ANKS1B: variants seen among roughly 807,000 people sequenced by gnomAD.
The protein encoded by ANKS1B is ankyrin repeat and sterile alpha motif domain containing 1B, also known as ankyrin repeat and sterile alpha motif domain-containing protein 1B.
Under a neutral mutation model 148.3 loss-of-function variants are expected in ANKS1B, and 36 were observed. The ratio of observed to expected loss-of-function variants is 0.24; its 90% confidence interval spans 0.19 to 0.32. ANKS1B has a LOEUF of 0.32. Among genes scored for constraint, ANKS1B ranks in the 10% least tolerant of loss-of-function variants. The probability of loss-of-function intolerance (pLI) is 1.00; values close to 1 mark genes in which losing one functional copy is unlikely to be tolerated. For missense variants in ANKS1B, 1,157 were observed against 1,542.6 expected, an observed-to-expected ratio of 0.75 and a Z score of 4.19; for synonymous variants, 542 against 560.8, an observed-to-expected ratio of 0.97 and a Z score of 0.47.
chr12:99,489,878 G>A (rs2096539226), intron 10 of ANKS1B, among the ~76,000 whole-genome samples: 1 of 152,150 alleles, frequency 6.6e-6, no homozygotes, highest in Non-Finnish European at 1.5e-5. Context: ...GAAATGAAAA[G>A]CATAGAAAAC....
chr12:98,855,120 C>A (rs1353198766), intron 17 of ANKS1B, among the ~76,000 whole-genome samples: 1 of 149,032 alleles, frequency 6.7e-6, no homozygotes, highest in Non-Finnish European at 1.5e-5. Context: ...GATTGCGCCA[C>A]TGCAGTCCGC....
At chr12:99,215,114 G>A (rs1296254179) in intron 14 of ANKS1B, among the ~76,000 whole-genome samples, 5 of 152,206 alleles carry the variant, frequency 3.3e-5, no homozygotes, top group South Asian at 2.1e-4. Flanking sequence ...TGGAACTTAC[G>A]TTTAAAAGGG....
chr12:98,743,057 C>A (rs906191705), downstream of ANKS1B, among the ~76,000 whole-genome samples: 5 of 152,176 alleles, frequency 3.3e-5, no homozygotes, highest in Non-Finnish European at 5.9e-5. Flanking sequence ...CCATTATATT[C>A]TAATTCTCTT....
At chr12:98,839,818 C>T (rs1374035071) in intron 17 of ANKS1B, among the ~76,000 whole-genome samples, 2 of 152,196 alleles carry the variant, frequency 1.3e-5, no homozygotes, top group Non-Finnish European at 2.9e-5. Context: ...CTTGCTTGCT[C>T]ACCTTGGATT....
At chr12:99,792,914 T>C (rs2065835949) in intron 4 of ANKS1B, among the ~76,000 whole-genome samples, 4 of 152,142 alleles carry the variant, frequency 2.6e-5, no homozygotes, top group Admixed American at 6.5e-5. Context: ...TTATCCTTGT[T>C]TGCAGATAAT....
At chr12:99,582,404 G>T (rs1172627329) in intron 9 of ANKS1B, among the ~76,000 whole-genome samples, 1 of 150,392 alleles carries the variant, frequency 6.6e-6, no homozygotes, top group African/African-American at 2.4e-5. Context: ...GTACTTGAAT[G>T]TTCAAAGCAA....
intron 20 of ANKS1B, among the ~76,000 whole-genome samples, chr12:98,806,736 G>T (rs2099053644): frequency 6.6e-6 from 1 of 152,206 alleles, no homozygotes; most frequent in Non-Finnish European, 1.5e-5. Context: ...CAAGAATGAA[G>T]AATTCTAGTT....
intron 9 of ANKS1B, among the ~76,000 whole-genome samples, chr12:99,545,786 A>G (rs944760243): frequency 1.3e-5 from 2 of 148,622 alleles, no homozygotes; most frequent in Non-Finnish European, 3.0e-5. Flanking sequence ...TAAATTATAT[A>G]TATATATATA....
At chr12:99,110,213 G>A (rs577294812) in intron 15 of ANKS1B, among the ~76,000 whole-genome samples, 7 of 152,292 alleles carry the variant, frequency 4.6e-5, no homozygotes, top group East Asian at 1.9e-4. Context: ...CAAGGTGTGA[G>A]TTCAATGAGT....
chr12:99,601,836 T>C (rs11109940), intron 9 of ANKS1B, among the ~76,000 whole-genome samples: 25 of 152,150 alleles, frequency 1.6e-4, no homozygotes, highest in East Asian at 9.7e-4. Flanking sequence ...TAAGACCTCC[T>C]GTTCTTATTC....
chr12:99,636,498 C>T (rs1317602228), intron 9 of ANKS1B, among the ~76,000 whole-genome samples: 1 of 152,178 alleles, frequency 6.6e-6, no homozygotes, highest in African/African-American at 2.4e-5. Flanking sequence ...TAAGCTACAT[C>T]ACTAGTGTTT....
At position 99,631,905 on chromosome 12, in the gene ANKS1B, C is replaced by T. The variant is rs367721928; in HGVS notation, c.1272+23162G>A. Among the ~76,000 whole-genome samples the T allele has an allele frequency of 1.8e-3, 270 of 152,142 alleles. 7 individuals are homozygous for T. The South Asian group carries it at 0.047, about 26-fold the overall frequency. On this transcript the variant is annotated intron_variant, in intron 9 of 26. Transcript: ENST00000683438. ...CAGGAGAGGAAACCAAGGGTGTAGC[C>T]CAGTGACCACTTGCAAAAGAGATTA...
chr12:99,150,202 A>G (rs2074457611), intron 15 of ANKS1B, among the ~76,000 whole-genome samples: 2 of 152,156 alleles, frequency 1.3e-5, no homozygotes, highest in African/African-American at 4.8e-5. Flanking sequence ...TTGTGCTTTC[A>G]GTTTTTACAG....
chr12:98,765,994 C>T (rs1181414492), intron 25 of ANKS1B, among the ~76,000 whole-genome samples: 5 of 152,164 alleles, frequency 3.3e-5, no homozygotes, highest in Non-Finnish European at 5.9e-5. Flanking sequence ...CACTTGACTG[C>T]CAGTTATTTA....
intron 22 of ANKS1B, among the ~76,000 whole-genome samples, chr12:98,791,060 T>C (rs1262914317): frequency 4.6e-5 from 7 of 152,160 alleles, no homozygotes; most frequent in Admixed American, 6.5e-5. Context: ...ACATTCACAA[T>C]GAGAGGCTGG....
intron 9 of ANKS1B, among the ~76,000 whole-genome samples, chr12:99,632,198 G>A (rs1404155148): frequency 6.6e-6 from 1 of 152,150 alleles, no homozygotes; most frequent in Non-Finnish European, 1.5e-5. Flanking sequence ...GATGGTACAA[G>A]TCATAAACTA....
intron 25 of ANKS1B, among the ~76,000 whole-genome samples, chr12:98,771,594 C>T (rs903559434): frequency 1.3e-5 from 2 of 152,182 alleles, no homozygotes; most frequent in Non-Finnish European, 2.9e-5. Flanking sequence ...CCACCTCACC[C>T]TCTCAGGTAG....
chr12:99,545,634 G>T (rs1236547148), intron 9 of ANKS1B, among the ~76,000 whole-genome samples: 1 of 151,698 alleles, frequency 6.6e-6, no homozygotes, highest in Non-Finnish European at 1.5e-5. Flanking sequence ...GAATGGTATA[G>T]AAGAAATAAA....
chr12:99,695,665 T>C (rs958217316), intron 8 of ANKS1B, among the ~76,000 whole-genome samples: 1 of 151,864 alleles, frequency 6.6e-6, no homozygotes, highest in African/African-American at 2.4e-5. Context: ...CACTTACAAA[T>C]AGGAGCTGAA....
Sources: allele counts gnomAD v4.1 joint callset (sites outside exome capture counted in the v4.1 genomes callset), GRCh38; gene constraint gnomAD v4.1.1; transcripts MANE v1.5; gene names NCBI Gene and HGNC (gene_info 2026-07-23, HGNC 2026-07-21).